The following PPARGC1A variants were observed in gnomAD, a reference collection of about 807,000 sequenced individuals.
PPARGC1A encodes the protein PPARG coactivator 1 alpha.
Under a neutral mutation model 88.7 loss-of-function variants are expected in PPARGC1A, and 25 were observed. The ratio of observed to expected loss-of-function variants is 0.28; its 90% CI spans 0.21 to 0.39. PPARGC1A has a LOEUF of 0.39. PPARGC1A is among the 10% of genes least tolerant of loss of function. PPARGC1A has a pLI of 1.00. For synonymous variants in PPARGC1A, 363 were observed against 355.6 expected, an observed-to-expected ratio of 1.02 and a Z score of -0.24; for missense variants, 880 against 968.7, an observed-to-expected ratio of 0.91 and a Z score of 1.22.
the PPARGC1A span, among the ~76,000 whole-genome samples, chr4:24,240,250 AC>A: frequency 2.6e-5 from 4 of 152,228 alleles, no homozygotes; most frequent in Non-Finnish European, 5.9e-5. Flanking sequence ...AGGCATAGAG[AC>A]ACAGAAGTCC....
the PPARGC1A span, among the ~76,000 whole-genome samples, chr4:24,274,274 A>T: frequency 6.6e-6 from 1 of 152,076 alleles, no homozygotes; most frequent in South Asian, 2.1e-4. Context: ...CCAAAGTCCC[A>T]AGCAGAGGAT....
the PPARGC1A span, among the ~76,000 whole-genome samples, chr4:24,465,232 T>G: frequency 2.2e-4 from 33 of 152,230 alleles, no homozygotes; most frequent in Admixed American, 2.1e-3. Flanking sequence ...TGGGGGTGGA[T>G]CTGGTACCAT....
At chr4:24,008,165 T>C in the PPARGC1A span, among the ~76,000 whole-genome samples, 1 of 152,172 alleles carries the variant, frequency 6.6e-6, no homozygotes, top group African/African-American at 2.4e-5. Flanking sequence ...GGAAGCTATT[T>C]GACCAGCCTG....
chr4:23,996,590 C>A, the PPARGC1A span, among the ~76,000 whole-genome samples: 1 of 152,238 alleles, frequency 6.6e-6, no homozygotes, highest in Non-Finnish European at 1.5e-5. Flanking sequence ...TCTCCCAACC[C>A]CACTCTGTTT....
the PPARGC1A span, among the ~76,000 whole-genome samples, chr4:24,375,638 A>G: frequency 2.0e-5 from 3 of 152,152 alleles, no homozygotes; most frequent in Admixed American, 6.6e-5. Context: ...GATAGAGCTT[A>G]TATTATGGTG....
At chr4:24,213,864 TAATC>T in the PPARGC1A span, among the ~76,000 whole-genome samples, 1 of 152,242 alleles carries the variant, frequency 6.6e-6, no homozygotes, top group Non-Finnish European at 1.5e-5. Context: ...TGTACAGAGA[TAATC>T]TATGCTTAAA....
the PPARGC1A span, among the ~76,000 whole-genome samples, chr4:23,942,676 A>G: frequency 2.0e-5 from 3 of 152,154 alleles, no homozygotes; most frequent in East Asian, 5.8e-4. Context: ...TAAACACTAC[A>G]TCTTGGAATT....
At chr4:24,167,790 G>A in the PPARGC1A span, among the ~76,000 whole-genome samples, 8 of 152,162 alleles carry the variant, frequency 5.3e-5, no homozygotes, top group Non-Finnish European at 1.2e-4. Context: ...GTCTCACTCT[G>A]TCACCCAGGC....
At chr4:23,917,040 C>T in the PPARGC1A span, among the ~76,000 whole-genome samples, 1 of 152,174 alleles carries the variant, frequency 6.6e-6, no homozygotes, top group African/African-American at 2.4e-5. Flanking sequence ...TTGTTCCCCG[C>T]ACATGCTACC....
the PPARGC1A span, among the ~76,000 whole-genome samples, chr4:24,418,389 A>T: frequency 6.6e-6 from 1 of 152,180 alleles, no homozygotes; most frequent in African/African-American, 2.4e-5. Context: ...TCTGGCATTT[A>T]TCTATGGGTA....
chr4:23,922,588 A>G, the PPARGC1A span, among the ~76,000 whole-genome samples: 2 of 152,324 alleles, frequency 1.3e-5, no homozygotes, highest in Admixed American at 6.5e-5. Flanking sequence ...GTATGGGGTA[A>G]GGCTTTAACT....
chr4:23,963,952 A>T, the PPARGC1A span, among the ~76,000 whole-genome samples: 1 of 152,186 alleles, frequency 6.6e-6, no homozygotes, highest in Non-Finnish European at 1.5e-5. Context: ...AACACAGCAG[A>T]TGGAGGTAAT....
chr4:23,936,220 C>G, the PPARGC1A span, among the ~76,000 whole-genome samples: 1 of 152,124 alleles, frequency 6.6e-6, no homozygotes, highest in African/African-American at 2.4e-5. Context: ...AAGTCATTTT[C>G]ATATATTAGC....
the PPARGC1A span, among the ~76,000 whole-genome samples, chr4:24,179,258 T>C: frequency 3.3e-5 from 5 of 151,838 alleles, no homozygotes; most frequent in African/African-American, 1.2e-4. Context: ...TGCCAACTGG[T>C]TGTAACAAAT....
At chr4:24,035,582 T>C in the PPARGC1A span, among the ~76,000 whole-genome samples, 1 of 151,526 alleles carries the variant, frequency 6.6e-6, no homozygotes, top group South Asian at 2.1e-4. Context: ...AAAAATAAAA[T>C]AAAAATAAAA....
the PPARGC1A span, among the ~76,000 whole-genome samples, chr4:24,416,215 T>C: frequency 6.6e-6 from 1 of 152,202 alleles, no homozygotes; most frequent in African/African-American, 2.4e-5. Flanking sequence ...CAATGTCTTA[T>C]GCTAGAGAAC....
the PPARGC1A span, among the ~76,000 whole-genome samples, chr4:24,294,277 T>C: frequency 6.6e-6 from 1 of 152,206 alleles, no homozygotes; most frequent in Non-Finnish European, 1.5e-5. Context: ...ATACAATTGA[T>C]ATGAAAATCA....
the PPARGC1A span, among the ~76,000 whole-genome samples, chr4:24,024,048 T>A: frequency 6.6e-6 from 1 of 152,118 alleles, no homozygotes; most frequent in African/African-American, 2.4e-5. Context: ...CTGGGTGTAG[T>A]CAACAGCTAA....
chr4:24,007,181 T>C, the PPARGC1A span, among the ~76,000 whole-genome samples: 3 of 152,168 alleles, frequency 2.0e-5, no homozygotes, highest in Admixed American at 2.0e-4. Flanking sequence ...TCCATCACGA[T>C]CTTCTGTAGG....
Sources: gnomAD v4.1 joint callset for allele counts (sites outside exome capture counted in the v4.1 genomes callset) on GRCh38, gnomAD v4.1.1 for gene constraint, MANE v1.5 for transcripts, NCBI Gene and HGNC (gene_info 2026-07-23, HGNC 2026-07-21) for gene names.